LINGO2: variants seen among roughly 807,000 people sequenced by gnomAD.
The protein encoded by LINGO2 is leucine rich repeat and Ig domain containing 2, also known as leucine-rich repeat and immunoglobulin-like domain-containing nogo receptor-interacting protein 2.
A neutral mutation model predicts 30.6 loss-of-function variants in LINGO2; 14 were observed. The observed-to-expected ratio is 0.46, with a 90% CI of 0.30 to 0.72. LINGO2 has a LOEUF of 0.72. Ranked by LOEUF, LINGO2 falls within the 30% of genes least tolerant of loss-of-function variation. The probability of loss-of-function intolerance (pLI) is 0.07; values close to 1 mark genes in which losing one functional copy is unlikely to be tolerated. For synonymous variants in LINGO2, 317 were observed against 288.5 expected (o/e 1.10, Z -1.00); for missense variants, 729 against 751.7 (o/e 0.97, Z 0.35).
At chr9:28,942,502 C>T in the LINGO2 span, among the ~76,000 whole-genome samples, 1 of 152,172 alleles carries the variant, frequency 6.6e-6, no homozygotes, top group Non-Finnish European at 1.5e-5. Flanking sequence ...GGGTGTGAAT[C>T]TCTGTCCCTT....
the LINGO2 span, among the ~76,000 whole-genome samples, chr9:28,893,908 C>T: frequency 6.6e-6 from 1 of 151,818 alleles, no homozygotes; most frequent in Non-Finnish European, 1.5e-5. Flanking sequence ...CCCCTGCCCC[C>T]ACCCCACAAC....
chr9:28,220,959 T>A (rs544040774), intron 4 of LINGO2, among the ~76,000 whole-genome samples: 1 of 152,332 alleles, frequency 6.6e-6, no homozygotes, highest in East Asian at 1.9e-4. Flanking sequence ...AGATCCATTG[T>A]ATAGCATGGT....
intron 1 of LINGO2, among the ~76,000 whole-genome samples, chr9:28,560,996 T>G (rs2135549307): frequency 6.6e-6 from 1 of 152,168 alleles, no homozygotes; most frequent in Admixed American, 6.5e-5. Flanking sequence ...CTTAAACATA[T>G]AAGTTTTGTG....
chr9:28,736,522 G>A, the LINGO2 span, among the ~76,000 whole-genome samples: 1 of 152,132 alleles, frequency 6.6e-6, no homozygotes, highest in South Asian at 2.1e-4. Flanking sequence ...CGGGCGTGGT[G>A]GGTCACGCCT....
At chr9:28,342,044 T>C (rs188354817) in intron 3 of LINGO2, among the ~76,000 whole-genome samples, 16 of 152,280 alleles carry the variant, frequency 1.1e-4, no homozygotes, top group Middle Eastern at 6.8e-3. Context: ...AAAATGTTGC[T>C]TAAAACTTAT....
the LINGO2 span, among the ~76,000 whole-genome samples, chr9:29,050,780 T>C: frequency 6.6e-6 from 1 of 152,180 alleles, no homozygotes. Context: ...CTGGTGACAA[T>C]AGCAACTATA....
At chr9:28,431,316 A>T (rs545372188) in intron 2 of LINGO2, among the ~76,000 whole-genome samples, 2 of 152,230 alleles carry the variant, frequency 1.3e-5, no homozygotes, top group South Asian at 4.1e-4. Context: ...CTGAAACCAA[A>T]CCAAACTCAA....
chr9:28,962,354 T>C, the LINGO2 span, among the ~76,000 whole-genome samples: 1 of 152,110 alleles, frequency 6.6e-6, no homozygotes, highest in Non-Finnish European at 1.5e-5. Context: ...ATACAGATAG[T>C]AAATGTCAAC....
At chr9:28,358,454 T>C (rs1204333635) in intron 3 of LINGO2, among the ~76,000 whole-genome samples, 2 of 152,114 alleles carry the variant, frequency 1.3e-5, no homozygotes, top group African/African-American at 4.8e-5. Context: ...GAATAATTCA[T>C]GAGATACTGT....
the LINGO2 span, among the ~76,000 whole-genome samples, chr9:29,082,416 T>C: frequency 1.3e-5 from 2 of 152,138 alleles, no homozygotes; most frequent in Non-Finnish European, 2.9e-5. Flanking sequence ...TTACATCTTA[T>C]ACAAAAATTA....
Position 28,551,825 on chromosome 9 carries a change from C to A in LINGO2, c.-364-75800G>T, listed in dbSNP as rs748718750. Among the ~76,000 whole-genome samples the A allele has an allele frequency of 3.4e-4, 52 of 152,052 alleles. 1 individual carries two copies. The highest frequency in any genetic ancestry group is 1.5e-5 in the Non-Finnish European group (1 of 68,004). ...CACTTTGGCAGACCTTGCTCTCTGA[C>A]ACACGTGTGTCCTCAGCCTCTCATC... On this transcript the variant is annotated intron_variant, in intron 1 of 5. Transcript: ENST00000379992.
At chr9:28,262,858 G>A (rs768893721) in intron 4 of LINGO2, among the ~76,000 whole-genome samples, 1 of 151,914 alleles carries the variant, frequency 6.6e-6, no homozygotes, top group Admixed American at 6.6e-5. Context: ...CATCTCCTGG[G>A]AGTAAGAGCA....
chr9:28,650,318 T>C (rs910258622), intron 1 of LINGO2, among the ~76,000 whole-genome samples: 2 of 152,120 alleles, frequency 1.3e-5, no homozygotes, highest in African/African-American at 4.8e-5. Flanking sequence ...CTTGTGAACC[T>C]ATCATTCAGA....
chr9:28,769,548 C>A, the LINGO2 span, among the ~76,000 whole-genome samples: 6 of 82,688 alleles, frequency 7.3e-5, no homozygotes, highest in South Asian at 7.6e-4. Flanking sequence ...TTTTTTTTAC[C>A]TGAATGTCCT....
At chr9:28,510,955 C>CT (rs1286949259) in intron 1 of LINGO2, among the ~76,000 whole-genome samples, 1 of 152,004 alleles carries the variant, frequency 6.6e-6, no homozygotes, top group Non-Finnish European at 1.5e-5. Context: ...AAGATATAGA[C>CT]TGTGGGTGTA....
intron 1 of LINGO2, among the ~76,000 whole-genome samples, chr9:28,484,916 A>T (rs1320648735): frequency 1.3e-5 from 2 of 152,050 alleles, no homozygotes; most frequent in Admixed American, 1.3e-4. Context: ...CAAAATATTG[A>T]ACTCTTAGAG....
At chr9:28,958,300 T>C in the LINGO2 span, among the ~76,000 whole-genome samples, 1 of 152,152 alleles carries the variant, frequency 6.6e-6, no homozygotes, top group East Asian at 1.9e-4. Flanking sequence ...CCAGAGACAA[T>C]GTCTCATGGT....
the LINGO2 span, among the ~76,000 whole-genome samples, chr9:29,051,121 C>T: frequency 2.6e-5 from 4 of 152,082 alleles, no homozygotes; most frequent in Non-Finnish European, 5.9e-5. Flanking sequence ...TTCCTTAGGA[C>T]TTATAAACCT....
the LINGO2 span, among the ~76,000 whole-genome samples, chr9:29,174,981 C>G: frequency 6.6e-6 from 1 of 152,092 alleles, no homozygotes; most frequent in Non-Finnish European, 1.5e-5. Flanking sequence ...TAATGGTGGG[C>G]TGGGTGCAGT....
Sources: allele counts gnomAD v4.1 joint callset (sites outside exome capture counted in the v4.1 genomes callset), GRCh38; gene constraint gnomAD v4.1.1; transcripts MANE v1.5; gene names NCBI Gene and HGNC (gene_info 2026-07-23, HGNC 2026-07-21).